The following CLNK variants were observed in gnomAD, a reference collection of about 807,000 sequenced individuals.
CLNK encodes cytokine dependent hematopoietic cell linker, also known as cytokine-dependent hematopoietic cell linker.
CLNK carries 74 observed loss-of-function variants against 68.6 expected under a neutral mutation model. The observed-to-expected ratio is 1.08, with a 90% confidence interval of 0.89 to 1.31. CLNK has a LOEUF of 1.31. Ranked by LOEUF, CLNK falls within the 50% of genes most tolerant of loss-of-function variation. CLNK has a pLI of 0.00. For missense variants in CLNK, 553 were observed against 515.3 expected (o/e 1.07, Z -0.71); for synonymous variants, 198 against 172.2 (o/e 1.15, Z -1.17).
Position 10,684,747 on chromosome 4 carries a change from T to C in CLNK, c.-122A>G, listed in dbSNP as rs893409660. ...AGGAGGGGCGGCAGTGCAGAGACCT[T>C]GGGGCACTGGAAATTAGTAAGGCGG... On this transcript the variant is annotated 5_prime_UTR_variant, in exon 1 of 19. Coordinates refer to ENST00000226951, the MANE Select transcript of CLNK (RefSeq NM_052964.4). 3 of 152,150 alleles carry C rather than the reference T, an allele frequency of 2.0e-5. No individual in the cohort carries two copies. The highest frequency in any genetic ancestry group is 4.4e-5 in the Non-Finnish European group (3 of 68,072). 9.4% of individuals were successfully genotyped at this position (152,150 alleles called of 1,614,324 possible).
the CLNK span, among the ~76,000 whole-genome samples, chr4:10,716,084 A>G: frequency 6.6e-6 from 1 of 152,232 alleles, no homozygotes; most frequent in East Asian, 1.9e-4. Flanking sequence ...TTCTAAGTGA[A>G]TGCCACAGAA....
intron 2 of CLNK, among the ~76,000 whole-genome samples, chr4:10,628,644 C>T (rs1183973871): frequency 6.6e-6 from 1 of 152,200 alleles, no homozygotes; most frequent in Non-Finnish European, 1.5e-5. Context: ...GTAGCCTCTG[C>T]TCCTCCTTCT....
intron 2 of CLNK, among the ~76,000 whole-genome samples, chr4:10,601,312 G>A (rs1026112311): frequency 2.6e-5 from 4 of 152,324 alleles, no homozygotes; most frequent in African/African-American, 9.6e-5. Flanking sequence ...AGCAGGTGGG[G>A]AGAATGGAGA....
At chr4:10,618,854 A>C (rs1722325501) in intron 2 of CLNK, among the ~76,000 whole-genome samples, 1 of 152,236 alleles carries the variant, frequency 6.6e-6, no homozygotes, top group Non-Finnish European at 1.5e-5. Flanking sequence ...CTCATTCGTG[A>C]GGACTCTGGC....
intron 4 of CLNK, among the ~76,000 whole-genome samples, chr4:10,580,814 A>G (rs73228228): frequency 0.14 from 21,827 of 152,164 alleles, 1,619 homozygotes; most frequent in South Asian, 0.18. Flanking sequence ...TGTAAAAGTT[A>G]TGGTAACCTA....
intron 1 of CLNK, among the ~76,000 whole-genome samples, chr4:10,676,372 A>G (rs562437589): frequency 3.8e-4 from 55 of 146,552 alleles, no homozygotes; most frequent in African/African-American, 1.3e-3. Flanking sequence ...TTGAAGTCAA[A>G]TGCATTGTTA....
intron 15 of CLNK, 23 bp from the exon 16 acceptor site, chr4:10,513,620 T>C: frequency 6.3e-7 from 1 of 1,576,170 alleles, no homozygotes; most frequent in Non-Finnish European, 8.6e-7. Flanking sequence ...AATTCACATT[T>C]CAGTGTGATT....
chr4:10,512,773 GA>G (rs1035055057), intron 16 of CLNK, among the ~76,000 whole-genome samples: 5 of 151,498 alleles, frequency 3.3e-5, no homozygotes, highest in African/African-American at 1.2e-4. Flanking sequence ...GCTTTACAGT[GA>G]AAGACTTTAG....
intron 17 of CLNK, among the ~76,000 whole-genome samples, chr4:10,506,247 C>T (rs1012241933): frequency 1.3e-4 from 20 of 152,048 alleles, no homozygotes; most frequent in Admixed American, 7.9e-4. Flanking sequence ...TCACCTTCTT[C>T]GAAGTTAAGT....
intron 1 of CLNK, among the ~76,000 whole-genome samples, chr4:10,672,600 A>T (rs1724690930): frequency 6.6e-6 from 1 of 152,206 alleles, no homozygotes; most frequent in South Asian, 2.1e-4. Flanking sequence ...TTAGGTAAGC[A>T]TCTGCTAATA....
At chr4:10,652,746 G>T (rs1468680587) in intron 2 of CLNK, among the ~76,000 whole-genome samples, 1 of 152,072 alleles carries the variant, frequency 6.6e-6, no homozygotes, top group Non-Finnish European at 1.5e-5. Flanking sequence ...TTTAATGCCT[G>T]GTCTTTTAAT....
the CLNK span, among the ~76,000 whole-genome samples, chr4:10,695,516 A>G: frequency 6.6e-6 from 1 of 152,154 alleles, no homozygotes; most frequent in East Asian, 1.9e-4. Context: ...CTTTTCTCTC[A>G]AGCTAAACTC....
At chr4:10,564,104 C>CTT (rs371222469) in intron 7 of CLNK, among the ~76,000 whole-genome samples, 21,335 of 135,678 alleles carry the variant, frequency 0.16, 1,775 homozygotes, top group African/African-American at 0.19. Flanking sequence ...TAGATTTTTT[C>CTT]TTTTTTTTTT....
intron 3 of CLNK, among the ~76,000 whole-genome samples, chr4:10,596,682 T>A (rs938325722): frequency 1.3e-5 from 2 of 152,214 alleles, no homozygotes; most frequent in Non-Finnish European, 2.9e-5. Context: ...ATGTTTTTTT[T>A]TAAATTTAGG....
At chr4:10,655,807 G>A (rs939182361) in intron 2 of CLNK, among the ~76,000 whole-genome samples, 7 of 151,576 alleles carry the variant, frequency 4.6e-5, no homozygotes, top group Non-Finnish European at 8.8e-5. Context: ...CCACCACCAC[G>A]CCCAGCTAGT....
chr4:10,635,435 T>C (rs1723044302), intron 2 of CLNK, among the ~76,000 whole-genome samples: 1 of 152,144 alleles, frequency 6.6e-6, no homozygotes, highest in Non-Finnish European at 1.5e-5. Context: ...GTACAGTACG[T>C]GCTCTGGCCA....
At chr4:10,598,125 C>T in intron 2 of CLNK, 76 bp from the exon 3 acceptor site, 1 of 965,036 alleles carries the variant, frequency 1.0e-6, no homozygotes, top group South Asian at 1.5e-5. Context: ...TGCATTCATT[C>T]ATAGAAAGAG....
intron 15 of CLNK, among the ~76,000 whole-genome samples, chr4:10,518,120 A>G (rs889720311): frequency 1.3e-5 from 2 of 152,200 alleles, no homozygotes; most frequent in African/African-American, 4.8e-5. Context: ...CAAGACAAGG[A>G]GAGGAACATT....
At chr4:10,532,321 G>C (rs1403932117) in intron 11 of CLNK, 38 bp from the exon 12 acceptor site, 2 of 1,553,334 alleles carry the variant, frequency 1.3e-6, no homozygotes, top group Admixed American at 3.4e-5. Context: ...ATAAAACACA[G>C]TTCATAATGA....
Sources: allele counts gnomAD v4.1 joint callset (sites outside exome capture counted in the v4.1 genomes callset), GRCh38; gene constraint gnomAD v4.1.1; transcripts MANE v1.5; gene names NCBI Gene and HGNC (gene_info 2026-07-23, HGNC 2026-07-21).